Variants in FNDC3A observed in about 807,000 individuals in gnomAD.
The protein encoded by FNDC3A is fibronectin type III domain containing 3A.
FNDC3A carries 32 observed loss-of-function variants against 148.9 expected under a neutral mutation model. The ratio of observed to expected loss-of-function variants is 0.21; its 90% CI spans 0.16 to 0.29. The LOEUF is 0.29. Among genes scored for constraint, FNDC3A ranks in the 10% least tolerant of loss-of-function variants. The pLI is 1.00. For synonymous variants in FNDC3A, 472 were observed against 473.6 expected (o/e 1.00, Z 0.04); for missense variants, 1,191 against 1,452.8 (o/e 0.82, Z 2.93).
chr13:49,047,292 A>G (rs950186814), intron 2 of FNDC3A, among the ~76,000 whole-genome samples: 14 of 152,070 alleles, frequency 9.2e-5, no homozygotes, highest in African/African-American at 3.4e-4. Flanking sequence ...ATGTGCAGGT[A>G]TCTTTTTTGT....
intron 1 of FNDC3A, among the ~76,000 whole-genome samples, chr13:49,001,913 T>A (rs904748485): frequency 1.3e-5 from 2 of 152,164 alleles, no homozygotes; most frequent in African/African-American, 4.8e-5. Context: ...GTGTGATCTC[T>A]GTGACCCACA....
chr13:49,113,816 A>G (rs1414270007), intron 3 of FNDC3A, among the ~76,000 whole-genome samples: 2 of 152,236 alleles, frequency 1.3e-5, no homozygotes, highest in Non-Finnish European at 2.9e-5. Flanking sequence ...TAAAAGTTAC[A>G]TAAAGCAACT....
chr13:49,075,800 G>GCCCCACCCCCCCCC (rs1878054598), intron 3 of FNDC3A, among the ~76,000 whole-genome samples: 1 of 115,228 alleles, frequency 8.7e-6, no homozygotes, highest in African/African-American at 3.4e-5. Context: ...TATCACCACT[G>GCCCCACCCCCCCCC]CCCCCCCCAC....
chr13:49,190,800 C>T (rs1815973004), intron 17 of FNDC3A, among the ~76,000 whole-genome samples: 1 of 152,142 alleles, frequency 6.6e-6, no homozygotes, highest in African/African-American at 2.4e-5. Context: ...AGTAGTTGCA[C>T]AGTACATGTC....
At chr13:49,111,958 T>C (rs1254722403) in intron 3 of FNDC3A, among the ~76,000 whole-genome samples, 1 of 152,218 alleles carries the variant, frequency 6.6e-6, no homozygotes, top group Non-Finnish European at 1.5e-5. Context: ...TACCAAATTA[T>C]AAACTATTTT....
chr13:49,159,601 A>G (rs1474198030), intron 8 of FNDC3A, among the ~76,000 whole-genome samples: 3 of 152,140 alleles, frequency 2.0e-5, no homozygotes, highest in Non-Finnish European at 4.4e-5. Context: ...CTAACTGAAT[A>G]CCATTTATTT....
rs569162068 is a variant in FNDC3A at position 49,112,186 on chromosome 13, A to G, written c.176-2469A>G. On this transcript the variant is annotated intron_variant, in intron 3 of 25. Transcript: ENST00000492622. ...TAAAAGGACCCACAGTAAAAGTGCAATGCTAATGGCCTTTATTAACATTAT... is the reference window on the plus strand; with the variant it reads ...TAAAAGGACCCACAGTAAAAGTGCAGTGCTAATGGCCTTTATTAACATTAT... 1.8e-3 allele frequency among the ~76,000 whole-genome samples: 273 copies of G among 152,328 alleles called. 1 individual carries two copies. Among genetic ancestry groups the G allele is most frequent in the Non-Finnish European group, 3.2e-3 (217 of 68,018 alleles).
chr13:48,976,724 G>A (rs955389497), intron 1 of FNDC3A: 1 of 152,292 alleles, frequency 6.6e-6, no homozygotes, highest in Admixed American at 6.5e-5. Flanking sequence ...GCTCATCTTG[G>A]GGTTAAAACC....
rs145063682 is a variant in FNDC3A at position 49,187,078 on chromosome 13, G to A, written c.1757-44G>A. On this transcript the variant is annotated intron_variant, in intron 15 of 25. Coordinates refer to ENST00000492622, the MANE Select transcript of FNDC3A (RefSeq NM_001079673.2). ...ATTAGGTTTTTTTTATCATTTTTAT[G>A]TTGTTTTGTACCTTGCCTAATACTA... The A allele has an allele frequency of 4.6e-4, 637 of 1,383,682 alleles. 3 individuals carry two copies. The African/African-American group carries it at 7.3e-3, about 16-fold the overall frequency. The allele number at this position is 1,383,682 out of a possible 1,614,324, so 85.7% of individuals were successfully genotyped here.
chr13:49,007,710 T>C (rs972500595), intron 2 of FNDC3A, among the ~76,000 whole-genome samples: 2 of 152,068 alleles, frequency 1.3e-5, no homozygotes, highest in African/African-American at 4.8e-5. Flanking sequence ...GGCTATCATG[T>C]AACAGTAATG....
intron 1 of FNDC3A, among the ~76,000 whole-genome samples, chr13:48,993,807 C>T (rs1951967638): frequency 6.6e-6 from 1 of 152,084 alleles, no homozygotes; most frequent in African/African-American, 2.4e-5. Flanking sequence ...TAAAAAAATC[C>T]TCATAATATA....
chr13:49,063,616 CT>C (rs1469492309), intron 2 of FNDC3A, among the ~76,000 whole-genome samples: 3 of 152,190 alleles, frequency 2.0e-5, no homozygotes, highest in African/African-American at 7.2e-5. Context: ...TACATTATTC[CT>C]TGTATCACAA....
chr13:49,082,408 A>T (rs1039487608), intron 3 of FNDC3A, among the ~76,000 whole-genome samples: 2 of 152,166 alleles, frequency 1.3e-5, no homozygotes, highest in African/African-American at 4.8e-5. Context: ...ACCCAACAGG[A>T]TAAAATTTAA....
rs541884170 is a variant in FNDC3A at position 49,032,684 on chromosome 13, C to A, written c.99+26395C>A. 9.6e-4 allele frequency among the ~76,000 whole-genome samples: 146 copies of A among 151,780 alleles called. 1 individual carries two copies. The highest frequency in any genetic ancestry group is 3.4e-3 in the African/African-American group (140 of 41,374). ...CCGGGAGGCGGAGCTTGCAGTGAGC[C>A]GAGACCGCGCCACTGCACTCCAGCC... On this transcript the variant is annotated intron_variant, in intron 2 of 25. Coordinates refer to ENST00000492622, the MANE Select transcript of FNDC3A (RefSeq NM_001079673.2).
chr13:48,993,797 TA>T (rs1188975518), intron 1 of FNDC3A, among the ~76,000 whole-genome samples: 1 of 152,294 alleles, frequency 6.6e-6, no homozygotes, highest in East Asian at 1.9e-4. Flanking sequence ...TTCTGTGGGT[TA>T]AAAAAATCCT....
At chr13:49,016,777 G>A (rs1035311866) in intron 2 of FNDC3A, among the ~76,000 whole-genome samples, 15 of 152,044 alleles carry the variant, frequency 9.9e-5, no homozygotes, top group African/African-American at 2.9e-4. Context: ...CTTTGAATGC[G>A]TCCCAGAGAT....
At chr13:48,980,819 C>T (rs1376926274) in intron 1 of FNDC3A, among the ~76,000 whole-genome samples, 1 of 152,084 alleles carries the variant, frequency 6.6e-6, no homozygotes, top group Non-Finnish European at 1.5e-5. Flanking sequence ...AAGAATACAT[C>T]ATGAGAGCAT....
At chr13:49,043,878 T>A (rs1304621810) in intron 2 of FNDC3A, among the ~76,000 whole-genome samples, 1 of 152,130 alleles carries the variant, frequency 6.6e-6, no homozygotes, top group Non-Finnish European at 1.5e-5. Context: ...GTAGAAAAAA[T>A]GAAGAGATGA....
intron 2 of FNDC3A, chr13:49,043,978 T>C (rs1052556651): frequency 6.6e-6 from 1 of 152,320 alleles, no homozygotes; most frequent in East Asian, 1.9e-4. Context: ...ACAAATTGTT[T>C]GTAGTTTACC....
Sources: allele counts gnomAD v4.1 joint callset (sites outside exome capture counted in the v4.1 genomes callset), GRCh38; gene constraint gnomAD v4.1.1; transcripts MANE v1.5; gene names NCBI Gene and HGNC (gene_info 2026-07-23, HGNC 2026-07-21).